The following RETREG3 variants were observed in gnomAD, a reference collection of about 807,000 sequenced individuals.
RETREG3 encodes the protein reticulophagy regulator 3.
RETREG3 carries 23 observed loss-of-function variants against 50.2 expected under a neutral mutation model. That is an observed-to-expected ratio of 0.46 (90% CI 0.33 to 0.65). RETREG3 has a LOEUF of 0.65. Ranked by LOEUF, RETREG3 falls within the 30% of genes least tolerant of loss-of-function variation. The pLI, the probability that RETREG3 is intolerant of heterozygous loss-of-function variation, is 0.02. For synonymous variants in RETREG3, 240 were observed against 234.4 expected, an observed-to-expected ratio of 1.02 and a Z score of -0.22; for missense variants, 546 against 598.0, an observed-to-expected ratio of 0.91 and a Z score of 0.91.
chr17:42,590,772 G>A (rs768936415), intron 2 of RETREG3, among the ~76,000 whole-genome samples: 1 of 152,302 alleles, frequency 6.6e-6, no homozygotes, highest in Middle Eastern at 3.4e-3. Flanking sequence ...TTCGAGACCA[G>A]CCTGGCCAAC....
chr17:42,607,316 T>C (rs1952178926), intron 1 of RETREG3, among the ~76,000 whole-genome samples: 1 of 150,804 alleles, frequency 6.6e-6, no homozygotes, highest in South Asian at 2.1e-4. Context: ...CTGGGCAATA[T>C]AGTGAGACCC....
Position 42,609,244 on chromosome 17 carries a change from G to T in RETREG3, c.81C>A (p.Gly27=). 6.2e-7 allele frequency: 1 copy of T among 1,607,618 alleles called. No individual in the cohort carries two copies. Residue 27 remains glycine, a synonymous_variant, in exon 1 of 9, where the codon GGC becomes GGA. Transcript: ENST00000309428. ...STFRGRRDVS[G]SWERDQQVEA... is the part of the protein sequence containing the mutation. The stretch of plus-strand genomic sequence containing the variant: ...CAACCTGCTGGTCCCGCTCCCAGGA[G>T]CCTGACACATCTCGGCGGCCCCTGA...
chr17:42,597,611 ATATATATATTTTTTTTTT>A (rs1567925521), intron 1 of RETREG3, among the ~76,000 whole-genome samples: 919 of 34,454 alleles, frequency 0.027, 53 homozygotes, highest in East Asian at 0.08. Flanking sequence ...ATATATATAT[ATATATATATTTTTTTTTT>A]TTTTTTTTTT....
chr17:42,603,760 G>C lies in RETREG3; in HGVS notation c.239+5326C>G, dbSNP rs546734089. Among the ~76,000 whole-genome samples, 4 of 152,210 alleles carry C rather than the reference G, an allele frequency of 2.6e-5. No homozygotes were observed. The South Asian group carries it at 8.3e-4, about 32-fold the overall frequency. On this transcript the variant is annotated intron_variant, in intron 1 of 8. Transcript: ENST00000309428. ...TGGGAGACCGAGGCGGGCGGATCAC[G>C]AGGTCAGGAGATTGAGACCATCCTG...
At chr17:42,584,738 C>T (rs2093117479) in intron 6 of RETREG3, among the ~76,000 whole-genome samples, 1 of 148,426 alleles carries the variant, frequency 6.7e-6, no homozygotes, top group African/African-American at 2.5e-5. Context: ...ATCACTTGAG[C>T]CTGGGAGGTC....
chr17:42,585,357 C>G, intron 5 of RETREG3, 95 bp from the exon 6 acceptor site: 1 of 1,514,374 alleles, frequency 6.6e-7, no homozygotes, highest in Non-Finnish European at 8.9e-7. Flanking sequence ...AGGGCTTGGA[C>G]ACAAAGTGTG....
At chr17:42,587,901 G>A (rs370472038) in intron 2 of RETREG3, 37 bp from the exon 3 acceptor site, 73 of 1,612,560 alleles carry the variant, frequency 4.5e-5, no homozygotes, top group Non-Finnish European at 5.9e-5. Flanking sequence ...TTAGTTGGTA[G>A]GGAAAACTAA....
chr17:42,584,849 T>C (rs959916834), intron 6 of RETREG3, among the ~76,000 whole-genome samples: 1 of 134,034 alleles, frequency 7.5e-6, no homozygotes, highest in African/African-American at 2.8e-5. Context: ...AAACCACAAA[T>C]ACTAGGAATT....
intron 1 of RETREG3, among the ~76,000 whole-genome samples, chr17:42,600,398 G>A (rs995547314): frequency 6.6e-6 from 1 of 151,932 alleles, no homozygotes; most frequent in Non-Finnish European, 1.5e-5. Context: ...AAAAAAAAAA[G>A]TATCATTTAT....
chr17:42,583,998 G>A (rs538665383), intron 6 of RETREG3, among the ~76,000 whole-genome samples: 72 of 152,214 alleles, frequency 4.7e-4, no homozygotes, highest in African/African-American at 1.7e-3. Flanking sequence ...AGTAGAGACG[G>A]GGTTTCATCA....
Position 42,580,338 on chromosome 17 carries a change from G to A in RETREG3, c.*1475C>T, listed in dbSNP as rs1336556532. 2 of 152,748 alleles carry A rather than the reference G, an allele frequency of 1.3e-5. No homozygotes were observed. Among genetic ancestry groups the A allele is most frequent in the East Asian group, 3.7e-4 (2 of 5,334 alleles). 9.5% of individuals were successfully genotyped at this position (152,748 alleles called of 1,614,324 possible). A position where few individuals can be genotyped will look rare whatever the true frequency, so the allele number is the denominator to read the frequency against. On this transcript the variant is annotated 3_prime_UTR_variant, in exon 9 of 9. Coordinates refer to ENST00000309428, the MANE Select transcript of RETREG3 (RefSeq NM_178126.4). ...TATGGCCCCTGGGATGAATGACATG[G>A]AGCCATTTGTAAAGTGCTACTGTAT...
chr17:42,598,447 C>T (rs536429367), intron 1 of RETREG3, among the ~76,000 whole-genome samples: 45 of 152,252 alleles, frequency 3.0e-4, no homozygotes, highest in African/African-American at 1.1e-3. Context: ...TCTTCATCTG[C>T]AGGATGAAAT....
chr17:42,588,435 G>A (rs2093125651), intron 2 of RETREG3, among the ~76,000 whole-genome samples: 1 of 151,438 alleles, frequency 6.6e-6, no homozygotes, highest in Non-Finnish European at 1.5e-5. Context: ...TTGGAGACAG[G>A]GTCTTGCTCT....
chr17:42,597,976 GTTTTTTT>G (rs869196773), intron 1 of RETREG3, among the ~76,000 whole-genome samples: 3 of 95,850 alleles, frequency 3.1e-5, no homozygotes, highest in African/African-American at 8.4e-5. Flanking sequence ...TTCCTCTGAA[GTTTTTTT>G]TTTTTTTTTT....
At chr17:42,591,947 A>G in intron 2 of RETREG3, 109 bp downstream of exon 2, 2 of 918,298 alleles carry the variant, frequency 2.2e-6, no homozygotes, top group Non-Finnish European at 3.3e-6. Flanking sequence ...AGACTTCAAA[A>G]GACAGTCCCC....
chr17:42,587,001 A>C (rs990086929), intron 3 of RETREG3, 110 bp from the exon 4 acceptor site: 3 of 1,431,692 alleles, frequency 2.1e-6, no homozygotes, highest in Non-Finnish European at 2.8e-6. Flanking sequence ...GGGAGTGACT[A>C]GGCCCAGGTG....
intron 2 of RETREG3, 34 bp downstream of exon 2, chr17:42,592,022 C>T: frequency 6.5e-7 from 1 of 1,549,626 alleles, no homozygotes; most frequent in Non-Finnish European, 8.9e-7. Flanking sequence ...AGGCCATCTT[C>T]AGTTCAGATT....
At chr17:42,596,492 G>A (rs770493934) in intron 1 of RETREG3, 1 of 149,870 alleles carries the variant, frequency 6.7e-6, no homozygotes, top group Non-Finnish European at 1.5e-5. Flanking sequence ...AGGACTAAAC[G>A]AATGCAGAGG....
chr17:42,583,164 G>A (rs2093113658), intron 7 of RETREG3, among the ~76,000 whole-genome samples: 2 of 152,214 alleles, frequency 1.3e-5, no homozygotes, highest in South Asian at 4.1e-4. Context: ...AGTGGTAGGA[G>A]GATACACATA....
Sources: allele counts gnomAD v4.1 joint callset (sites outside exome capture counted in the v4.1 genomes callset), GRCh38; gene constraint gnomAD v4.1.1; transcripts MANE v1.5; gene names NCBI Gene and HGNC (gene_info 2026-07-23, HGNC 2026-07-21).